Variants in IRF6 observed in about 807,000 individuals in gnomAD.
The protein encoded by IRF6 is Van der Woude syndrome.
A neutral mutation model predicts 51.4 loss-of-function variants in IRF6; 6 were observed. The observed-to-expected ratio is 0.12, with a 90% CI of 0.06 to 0.23. IRF6 has a LOEUF of 0.23. Among genes scored for constraint, IRF6 ranks in the 10% least tolerant of loss-of-function variants. The pLI, the probability that IRF6 is intolerant of heterozygous loss-of-function variation, is 1.00. For missense variants in IRF6, 348 were observed against 585.2 expected, an observed-to-expected ratio of 0.59 and a Z score of 4.18; for synonymous variants, 178 against 215.7, an observed-to-expected ratio of 0.83 and a Z score of 1.53.
At chr1:209,791,035 G>T in intron 6 of IRF6, 148 bp from the exon 7 acceptor site, 2 of 1,544,382 alleles carry the variant, frequency 1.3e-6, no homozygotes, top group African/African-American at 1.4e-5. Flanking sequence ...GCAATAAAGG[G>T]AGACATCAAC....
intron 1 of IRF6, among the ~76,000 whole-genome samples, chr1:209,805,031 T>A (rs1053584789): frequency 6.6e-6 from 1 of 152,162 alleles, no homozygotes; most frequent in African/African-American, 2.4e-5. Context: ...TCCCTTCTGC[T>A]GGATGGAAGC....
intron 5 of IRF6, among the ~76,000 whole-genome samples, chr1:209,794,920 A>T (rs549334351): frequency 1.3e-5 from 2 of 152,362 alleles, no homozygotes; most frequent in Admixed American, 6.5e-5. Context: ...TACCAAGGGA[A>T]ATATTAGAAG....
chr1:209,786,131 C>T lies in IRF6; in HGVS notation c.*2289G>A, dbSNP rs2077832071. On this transcript the variant is annotated 3_prime_UTR_variant, in exon 9 of 9. Transcript: ENST00000367021. ...GGTAGCCACCAAAGGAGATAGCAGACTGAGGCCCTAAAAAAAGAAAGGAAA... is the reference window on the plus strand; with the variant it reads ...GGTAGCCACCAAAGGAGATAGCAGATTGAGGCCCTAAAAAAAGAAAGGAAA... 1 of 152,158 alleles carries T rather than the reference C, an allele frequency of 6.6e-6. No individual in the cohort carries two copies. Among genetic ancestry groups the T allele is most frequent in the Non-Finnish European group, 1.5e-5 (1 of 68,058 alleles). The allele number at this position is 152,158 out of a possible 1,614,324, so 9.4% of individuals were successfully genotyped here.
At position 209,802,620 on chromosome 1, in the gene IRF6, C is replaced by T. The variant is rs192638313; in HGVS notation, c.-75-577G>A. On this transcript the variant is annotated intron_variant, in intron 1 of 8. Transcript: ENST00000367021. ...CACGGTGTTAGTTACTAAACACTGACGCTCCATGTTCCTTCTTGAGAAACT... is the reference window on the plus strand; with the variant it reads ...CACGGTGTTAGTTACTAAACACTGATGCTCCATGTTCCTTCTTGAGAAACT... Among the ~76,000 whole-genome samples the T allele has an allele frequency of 2.9e-3, 446 of 152,300 alleles. 3 individuals are homozygous for T. Among genetic ancestry groups the T allele is most frequent in the African/African-American group, 0.01 (417 of 41,554 alleles).
At chr1:209,798,775 G>A (rs1424527078) in intron 3 of IRF6, among the ~76,000 whole-genome samples, 2 of 151,942 alleles carry the variant, frequency 1.3e-5, no homozygotes, top group African/African-American at 4.8e-5. Context: ...TGGGCATGGT[G>A]GTGCACACCT....
At chr1:209,795,215 A>G in intron 5 of IRF6, 75 bp downstream of exon 5, 3 of 1,534,448 alleles carry the variant, frequency 2.0e-6, no homozygotes, top group Non-Finnish European at 2.7e-6. Context: ...GTGGTGGCCA[A>G]TGTATTGACA....
rs1327556011 is a variant in IRF6 at position 209,786,627 on chromosome 1, CG to C, written c.*1792del. The C allele has an allele frequency of 2.0e-5, 3 of 152,128 alleles. No individual in the cohort carries two copies. The highest frequency in any genetic ancestry group is 7.2e-5 in the African/African-American group (3 of 41,410). The allele number at this position is 152,128 out of a possible 1,614,324, so 9.4% of individuals were successfully genotyped here. Reference sequence around the variant, plus strand: ...AAGTTTCTGTGCCTTTAATGCTTCCCGGTCCCTAAAAGCCCAACTTTTCCTC... The same window carrying C: ...AAGTTTCTGTGCCTTTAATGCTTCCCGTCCCTAAAAGCCCAACTTTTCCTC... On this transcript the variant is annotated 3_prime_UTR_variant, in exon 9 of 9. Transcript: ENST00000367021.
chr1:209,802,580 C>A (rs141328379), intron 1 of IRF6, among the ~76,000 whole-genome samples: 1 of 152,192 alleles, frequency 6.6e-6, no homozygotes, highest in African/African-American at 2.4e-5. Context: ...TGTTCATCAG[C>A]TACTGTGTGC....
At position 209,801,388 on chromosome 1, in the gene IRF6, C is replaced by T. The variant is rs1553248640; in HGVS notation, c.26G>A (p.Arg9Gln). ...CTGGGCCACCAGCCAGGGCTTTAGCCGGACTCTGCGGGGGTGGAGGGCCAT... is the reference window on the plus strand; with the variant it reads ...CTGGGCCACCAGCCAGGGCTTTAGCTGGACTCTGCGGGGGTGGAGGGCCAT... The part of the protein sequence containing the change: MALHPRRV[R>Q]LKPWLVAQVD... Residue 9 changes from arginine to glutamine, a missense_variant, in exon 3 of 9, where the codon CGG (arginine) becomes CAG (glutamine). Arg to Gln is a conservative substitution (Grantham distance 43). Around this residue, in one of 5 missense-constraint regions of IRF6, gnomAD observed 48 missense variants for 128.1 expected, o/e 0.37. Transcript: ENST00000367021. The T allele has an allele frequency of 1.2e-6, 2 of 1,610,164 alleles. No individual in the cohort carries two copies. Among genetic ancestry groups the T allele is most frequent in the Non-Finnish European group, 8.5e-7 (1 of 1,178,386 alleles).
At chr1:209,789,543 C>T in intron 8 of IRF6, 124 bp downstream of exon 8, 2 of 775,798 alleles carry the variant, frequency 2.6e-6, no homozygotes, top group East Asian at 2.5e-5. Context: ...GAGTCTGTTA[C>T]CCCATCTGAT....
rs1558038372 is a variant in IRF6, at chr1:209,788,657, C to T, written c.1180-13G>A. On this transcript the variant is annotated splice_polypyrimidine_tract_variant and intron_variant, in intron 8 of 8. Coordinates refer to ENST00000367021, the MANE Select transcript of IRF6 (RefSeq NM_006147.4). ...CTACTGGAATGACCTGTTCAGGACA[C>T]AGAACACAGGTGTATCCTCTGAGGA... 4 of 1,600,614 alleles carry T rather than the reference C, an allele frequency of 2.5e-6. No individual in the cohort carries two copies. Among genetic ancestry groups the T allele is most frequent in the East Asian group, 2.2e-5 (1 of 44,834 alleles).
rs2077836501 is a variant in IRF6 at position 209,786,719 on chromosome 1, C to G, written c.*1701G>C. 6.6e-6 allele frequency: 1 copy of G among 151,244 alleles called. No individual in the cohort carries two copies. The highest frequency in any genetic ancestry group is 2.4e-5 in the African/African-American group (1 of 41,096). 9.4% of individuals were successfully genotyped at this position (151,244 alleles called of 1,614,324 possible). A position where few individuals can be genotyped will look rare whatever the true frequency, so the allele number is the denominator to read the frequency against. On this transcript the variant is annotated 3_prime_UTR_variant, in exon 9 of 9. Coordinates refer to ENST00000367021, the MANE Select transcript of IRF6 (RefSeq NM_006147.4). Reference sequence around the variant, plus strand: ...TTCATGCTTTTCATAATAGCAAATTCCACTAGGTCTCTTAGAAACTCTAAA... The same window carrying G: ...TTCATGCTTTTCATAATAGCAAATTGCACTAGGTCTCTTAGAAACTCTAAA...
intron 3 of IRF6, among the ~76,000 whole-genome samples, chr1:209,797,618 G>A (rs1244928837): frequency 6.6e-6 from 1 of 152,072 alleles, no homozygotes; most frequent in Non-Finnish European, 1.5e-5. Context: ...TTTCAAATAT[G>A]GAAACTCACA....
chr1:209,791,001 G>A (rs1028016658), intron 6 of IRF6, 114 bp from the exon 7 acceptor site: 4 of 1,592,866 alleles, frequency 2.5e-6, no homozygotes, highest in Non-Finnish European at 2.6e-6. Context: ...ATTCAGGAAG[G>A]CCACTGCCAT....
In IRF6 at chr1:209,786,196, G is replaced by A. The variant is rs1439810504; in HGVS notation, c.*2224C>T. 2 of 152,114 alleles carry A rather than the reference G, an allele frequency of 1.3e-5. No individual in the cohort carries two copies. Among genetic ancestry groups the A allele is most frequent in the African/African-American group, 2.4e-5 (1 of 41,396 alleles). 9.4% of individuals were successfully genotyped at this position (152,114 alleles called of 1,614,324 possible). On this transcript the variant is annotated 3_prime_UTR_variant, in exon 9 of 9. Transcript: ENST00000367021. ...GCAGGACCAGAGAAAGAGTGCTGAG[G>A]GTGATTAGATGGAATCCCTGCATGT...
chr1:209,795,295 A>ATGTTCAGGAAGGGGAAGG lies in IRF6; in HGVS notation c.485_502dup (p.Thr162_Asn167dup), dbSNP rs1458613849. On this transcript the variant is annotated inframe_insertion, in exon 5 of 9. Transcript: ENST00000367021. The stretch of plus-strand genomic sequence containing the variant: ...CACCCATCATCCCCACTCACCATTG[A>ATGTTCAGGAAGGGGAAGG]TGTTCAGGAAGGGGAAGGTGTCCTG... 6.2e-7 allele frequency: 1 copy of ATGTTCAGGAAGGGGAAGG among 1,614,150 alleles called. No individual in the cohort carries two copies. Among genetic ancestry groups the ATGTTCAGGAAGGGGAAGG allele is most frequent in the Non-Finnish European group, 8.5e-7 (1 of 1,180,020 alleles).
chr1:209,792,836 AAAT>A (rs1168075741), intron 5 of IRF6: 1 of 240,860 alleles, frequency 4.2e-6, no homozygotes, highest in Non-Finnish European at 8.3e-6. Flanking sequence ...TAATGCATAG[AAAT>A]ACCTTTAACA....
intron 2 of IRF6, 54 bp from the exon 3 acceptor site, chr1:209,801,470 G>T (rs1226708890): frequency 1.4e-6 from 2 of 1,424,698 alleles, no homozygotes; most frequent in Non-Finnish European, 1.9e-6. Flanking sequence ...GCCAGCCACT[G>T]GGAACCCTTC....
intron 2 of IRF6, 56 bp from the exon 3 acceptor site, chr1:209,801,472 G>A (rs866869203): frequency 2.8e-6 from 4 of 1,407,848 alleles, no homozygotes; most frequent in Non-Finnish European, 3.8e-6. Flanking sequence ...CAGCCACTGG[G>A]AACCCTTCCC....
Sources: gnomAD v4.1 joint callset for allele counts (sites outside exome capture counted in the v4.1 genomes callset) on GRCh38, gnomAD v4.1.1 for gene constraint, gnomAD v4.1.1 regional missense constraint, MANE v1.5 for transcripts, NCBI Gene and HGNC (gene_info 2026-07-23, HGNC 2026-07-21) for gene names.